Variants in RBBP4 observed in about 807,000 individuals in gnomAD.
The protein encoded by RBBP4 is histone-binding protein RBBP4.
RBBP4 carries 3 observed loss-of-function variants against 57.2 expected under a neutral mutation model. The ratio of observed to expected loss-of-function variants is 0.05; its 90% confidence interval spans 0.02 to 0.14. The LOEUF (loss-of-function observed/expected upper bound fraction) is 0.14. Among genes scored for constraint, RBBP4 ranks in the 10% least tolerant of loss-of-function variants. The probability of loss-of-function intolerance (pLI) is 1.00; values close to 1 mark genes in which losing one functional copy is unlikely to be tolerated. For missense variants in RBBP4, 107 were observed against 520.6 expected (o/e 0.21, Z 7.73); for synonymous variants, 151 against 171.5 (o/e 0.88, Z 0.93).
chr1:32,657,191 G>A (rs147343010), intron 2 of RBBP4, among the ~76,000 whole-genome samples: 2 of 152,256 alleles, frequency 1.3e-5, no homozygotes, highest in East Asian at 1.9e-4. Context: ...CATGAGAATC[G>A]CTTGAATCCG....
At chr1:32,653,225 T>G (rs1488500627) in intron 2 of RBBP4, among the ~76,000 whole-genome samples, 2 of 152,172 alleles carry the variant, frequency 1.3e-5, no homozygotes, top group African/African-American at 4.8e-5. Context: ...TGCCTCAATT[T>G]GCCTCATTTC....
intron 11 of RBBP4, among the ~76,000 whole-genome samples, chr1:32,675,197 A>C (rs969857194): frequency 4.7e-5 from 7 of 148,690 alleles, no homozygotes; most frequent in African/African-American, 1.5e-4. Flanking sequence ...CGCCTGGCTA[A>C]ATTTTTGTAA....
intron 3 of RBBP4, among the ~76,000 whole-genome samples, chr1:32,659,228 A>G (rs1354503824): frequency 1.3e-5 from 2 of 151,256 alleles, no homozygotes; most frequent in Admixed American, 6.6e-5. Context: ...ATGTAATTTT[A>G]CACACAATGT....
At chr1:32,652,741 T>C (rs1453986027) in intron 2 of RBBP4, among the ~76,000 whole-genome samples, 4 of 152,064 alleles carry the variant, frequency 2.6e-5, no homozygotes, top group African/African-American at 9.7e-5. Flanking sequence ...GACGGGGTTT[T>C]ACCATGTGGG....
chr1:32,672,190 A>G (rs527796605), intron 8 of RBBP4, among the ~76,000 whole-genome samples: 2 of 151,948 alleles, frequency 1.3e-5, no homozygotes, highest in South Asian at 2.1e-4. Flanking sequence ...GTGTTTCACC[A>G]TGTTGGTTAG....
chr1:32,668,484 CTG>C (rs912720350), intron 4 of RBBP4, 86 bp downstream of exon 4: 7 of 1,318,678 alleles, frequency 5.3e-6, no homozygotes, highest in Middle Eastern at 1.9e-4. Context: ...GCATGTTACT[CTG>C]TGTAATTTAA....
At chr1:32,654,133 G>C (rs1460043653) in intron 2 of RBBP4, among the ~76,000 whole-genome samples, 1 of 152,060 alleles carries the variant, frequency 6.6e-6, no homozygotes, top group Non-Finnish European at 1.5e-5. Flanking sequence ...AGCACTTTGG[G>C]AGGCTGAGGC....
rs1314886389 is a variant in RBBP4 at position 32,669,362 on chromosome 1, G to GT, written c.888+8dup. ...GCCACAGGATCAGCTGACAAGGTCA[G>GT]TTTCGTTTATTTTAATAGAAAACAT... On this transcript the variant is annotated splice_donor_region_variant and intron_variant, in intron 7 of 11. Coordinates refer to ENST00000373493, the MANE Select transcript of RBBP4 (RefSeq NM_005610.3). This position sits in a 1 kb window ranked among gnomAD's most constrained non-coding sequence, Gnocchi z 4.9. 5 of 1,592,488 alleles carry GT rather than the reference G, an allele frequency of 3.1e-6. No individual in the cohort carries two copies. The highest frequency in any genetic ancestry group is 3.4e-6 in the Non-Finnish European group (4 of 1,175,006).
At chr1:32,655,699 T>A (rs1251850876) in intron 2 of RBBP4, among the ~76,000 whole-genome samples, 1 of 152,216 alleles carries the variant, frequency 6.6e-6, no homozygotes, top group Non-Finnish European at 1.5e-5. Flanking sequence ...GAATTATTCC[T>A]TACGTGAAGG....
intron 11 of RBBP4, among the ~76,000 whole-genome samples, chr1:32,678,567 C>CTTTTT (rs558897341): frequency 4.6e-5 from 2 of 43,620 alleles, no homozygotes; most frequent in African/African-American, 1.8e-4. Flanking sequence ...TATGTGACAG[C>CTTTTT]TTTTTTTTTT....
intron 3 of RBBP4, 63 bp downstream of exon 3, chr1:32,657,635 A>T: frequency 6.6e-7 from 1 of 1,526,348 alleles, no homozygotes; most frequent in Non-Finnish European, 8.9e-7. Context: ...GTGCACTTTG[A>T]TAAAGTAAAC....
At position 32,684,622 on chromosome 1, in the gene RBBP4, A is replaced by C; in HGVS notation, c.*4917A>C. ...TTGTCTGTTAACCACAGCTTGCTTT[A>C]ATAGAATCCTGGGAGGGTGATTGGG... is the stretch of plus-strand genomic sequence containing the variant. On this transcript the variant is annotated 3_prime_UTR_variant, in exon 12 of 12. Transcript: ENST00000373493. 1 of 506,098 alleles carries C rather than the reference A, an allele frequency of 2.0e-6. No homozygotes were observed. The highest frequency in any genetic ancestry group is 3.5e-6 in the Non-Finnish European group (1 of 287,782). 31.4% of individuals were successfully genotyped at this position (506,098 alleles called of 1,614,324 possible). A position where few individuals can be genotyped will look rare whatever the true frequency, so the allele number is the denominator to read the frequency against.
intron 2 of RBBP4, among the ~76,000 whole-genome samples, chr1:32,656,492 A>G (rs945546192): frequency 3.3e-5 from 5 of 152,150 alleles, no homozygotes; most frequent in Non-Finnish European, 7.4e-5. Flanking sequence ...AGCTAGGACT[A>G]CAGGCACCGC....
chr1:32,686,033 C>T lies in RBBP4; in HGVS notation c.*6328C>T, dbSNP rs376419168. ...AGCCCTGGACTACTAGTACCGAAGT[C>T]ACTAGTCACATAGGACTCATTTGAA... On this transcript the variant is annotated 3_prime_UTR_variant, in exon 12 of 12. Transcript: ENST00000373493. 6.6e-6 allele frequency: 1 copy of T among 152,142 alleles called. No homozygotes were observed. Among genetic ancestry groups the T allele is most frequent in the Non-Finnish European group, 1.5e-5 (1 of 68,024 alleles). 9.4% of individuals were successfully genotyped at this position (152,142 alleles called of 1,614,324 possible). A position where few individuals can be genotyped will look rare whatever the true frequency, so the allele number is the denominator to read the frequency against.
At chr1:32,659,040 T>C (rs1400599752) in intron 3 of RBBP4, among the ~76,000 whole-genome samples, 2 of 147,232 alleles carry the variant, frequency 1.4e-5, no homozygotes, top group African/African-American at 4.9e-5. Context: ...ATAAATGTAT[T>C]ATATTTATAT....
intron 1 of RBBP4, 64 bp downstream of exon 1, chr1:32,651,386 T>TGGCCTAACAGTGAGGGCA: frequency 2.9e-6 from 4 of 1,402,794 alleles, no homozygotes; most frequent in Non-Finnish European, 2.8e-6. Flanking sequence ...GGCCTCGACA[T>TGGCCTAACAGTGAGGGCA]GGCCTAACAG....
chr1:32,657,138 T>C (rs1164117139), intron 2 of RBBP4, among the ~76,000 whole-genome samples: 1 of 152,044 alleles, frequency 6.6e-6, no homozygotes, highest in Non-Finnish European at 1.5e-5. Flanking sequence ...CAGCCAGGCA[T>C]GGTGGCAGGT....
At chr1:32,663,134 A>T (rs1407176965) in intron 3 of RBBP4, among the ~76,000 whole-genome samples, 1 of 152,160 alleles carries the variant, frequency 6.6e-6, no homozygotes, top group Non-Finnish European at 1.5e-5. Context: ...GGTAAAAATC[A>T]CTATGGTGGT....
chr1:32,660,056 C>G (rs1276767938), intron 3 of RBBP4, among the ~76,000 whole-genome samples: 1 of 152,198 alleles, frequency 6.6e-6, no homozygotes, highest in African/African-American at 2.4e-5. Flanking sequence ...CAGTAGAGTT[C>G]ATTCTCAAGT....
Sources: allele counts gnomAD v4.1 joint callset (sites outside exome capture counted in the v4.1 genomes callset), GRCh38; gene constraint gnomAD v4.1.1; non-coding constraint Gnocchi (gnomAD v3.1); transcripts MANE v1.5; gene names NCBI Gene and HGNC (gene_info 2026-07-23, HGNC 2026-07-21).